ABCC4: variants seen among roughly 807,000 people sequenced by gnomAD.
ABCC4 encodes ATP binding cassette subfamily C member 4 (PEL blood group).
In ABCC4, 102 loss-of-function variants were observed where a neutral mutation model predicts 168.5. The ratio of observed to expected loss-of-function variants is 0.61; its 90% CI spans 0.52 to 0.71. ABCC4 has a LOEUF of 0.71. ABCC4 is among the 30% of genes least tolerant of loss of function. ABCC4 has a pLI of 0.00. For missense variants in ABCC4, 1,402 were observed against 1,605.8 expected, an observed-to-expected ratio of 0.87 and a Z score of 2.17; for synonymous variants, 617 against 590.7, an observed-to-expected ratio of 1.04 and a Z score of -0.65.
intron 29 of ABCC4, chr13:95,043,475 A>G: frequency 2.2e-6 from 1 of 460,874 alleles, no homozygotes; most frequent in Non-Finnish European, 3.8e-6. Flanking sequence ...TGATTTTTGC[A>G]TATGATTATA....
At chr13:95,095,212 C>T (rs149827437) in intron 20 of ABCC4, among the ~76,000 whole-genome samples, 13 of 152,248 alleles carry the variant, frequency 8.5e-5, no homozygotes, top group Non-Finnish European at 1.6e-4. Flanking sequence ...TATAGCAGCA[C>T]GATTCACAAT....
rs140436228 is a variant in ABCC4, at chr13:95,225,140, GTC to G, written c.531+9468_531+9469del. Among the ~76,000 whole-genome samples, 407 of 69,976 alleles carry G rather than the reference GTC, an allele frequency of 5.8e-3. 2 individuals carry two copies. The Middle Eastern group carries it at 0.064, about 11-fold the overall frequency. 45.9% of individuals were successfully genotyped at this position (69,976 alleles called of 152,430 possible). The stretch of plus-strand genomic sequence containing the variant: ...TCCCCCACTGTCTGTCTGTCTGTCT[GTC>G]TCTCTCTCTCTCACACACACACACA... On this transcript the variant is annotated intron_variant, in intron 4 of 30. Transcript: ENST00000645237.
At chr13:95,038,395 A>AG (rs56270922) in intron 29 of ABCC4, among the ~76,000 whole-genome samples, 134 of 150,636 alleles carry the variant, frequency 8.9e-4, no homozygotes, top group Admixed American at 1.6e-3. Context: ...AAAAAAAAAA[A>AG]GACAGAAGAA....
chr13:95,100,525 T>C (rs1330147491), intron 20 of ABCC4, among the ~76,000 whole-genome samples: 1 of 152,176 alleles, frequency 6.6e-6, no homozygotes, highest in Admixed American at 6.5e-5. Flanking sequence ...GTGAATCCTA[T>C]CATCCTGATC....
chr13:95,109,950 A>G (rs908553186), intron 20 of ABCC4, among the ~76,000 whole-genome samples: 1 of 152,142 alleles, frequency 6.6e-6, no homozygotes, highest in Non-Finnish European at 1.5e-5. Context: ...CATACTCAGC[A>G]TATAGTAGGA....
chr13:95,293,100 C>T (rs777096506), intron 1 of ABCC4, among the ~76,000 whole-genome samples: 15 of 152,188 alleles, frequency 9.9e-5, no homozygotes, highest in African/African-American at 2.2e-4. Flanking sequence ...CTGCCAGGAA[C>T]GATTTCCCAC....
intron 1 of ABCC4, among the ~76,000 whole-genome samples, chr13:95,283,268 A>G (rs1479569529): frequency 6.6e-6 from 1 of 151,860 alleles, no homozygotes; most frequent in Non-Finnish European, 1.5e-5. Context: ...GGTCTCAAAC[A>G]TCAGCATGCA....
intron 4 of ABCC4, among the ~76,000 whole-genome samples, chr13:95,214,718 T>C (rs1427000567): frequency 6.6e-6 from 1 of 151,804 alleles, no homozygotes; most frequent in Admixed American, 6.6e-5. Context: ...AGACCCCGCC[T>C]CTACTAAAAA....
At chr13:95,201,358 C>A (rs1423635144) in intron 8 of ABCC4, among the ~76,000 whole-genome samples, 1 of 152,144 alleles carries the variant, frequency 6.6e-6, no homozygotes, top group African/African-American at 2.4e-5. Context: ...CTGCAGGATC[C>A]CTTTCATGCC....
rs376069211 is a variant in ABCC4, at chr13:95,258,386, A to C, written c.75-10633T>G. Among the ~76,000 whole-genome samples, 4 of 152,052 alleles carry C rather than the reference A, an allele frequency of 2.6e-5. No homozygotes were observed. The South Asian group carries it at 8.3e-4, about 32-fold the overall frequency. On this transcript the variant is annotated intron_variant, in intron 1 of 30. Coordinates refer to ENST00000645237, the MANE Select transcript of ABCC4 (RefSeq NM_005845.5). ...CGTTTGTCCCCTTGCGTGCGAGCAA[A>C]TGCTTTTCCCCATCTTCTCCCATGA...
At chr13:95,289,907 G>A (rs561721888) in intron 1 of ABCC4, among the ~76,000 whole-genome samples, 1 of 152,112 alleles carries the variant, frequency 6.6e-6, no homozygotes, top group East Asian at 1.9e-4. Context: ...GACCAGCCTG[G>A]CCAACATGGA....
intron 30 of ABCC4, among the ~76,000 whole-genome samples, chr13:95,029,184 A>ATATATC (rs2031695343): frequency 4.0e-5 from 3 of 74,764 alleles, no homozygotes; most frequent in African/African-American, 1.9e-4. Flanking sequence ...ATATATATAT[A>ATATATC]TATATATATA....
chr13:95,083,142 G>A lies in ABCC4; in HGVS notation c.2684C>T (p.Thr895Ile), dbSNP rs751855343. ...TSRDVKRLES[T>I]TRSPVFSHLS... ...CCAACCCGAGTTTCCATACTCACTTGTAGATTCCAGGCGCTTCACATCTCT... is the reference window on the plus strand; with the variant it reads ...CCAACCCGAGTTTCCATACTCACTTATAGATTCCAGGCGCTTCACATCTCT... Residue 895 changes from threonine (T) to isoleucine (I), a missense_variant and splice_region_variant, in exon 21 of 31, where the codon ACA (threonine) becomes ATA (isoleucine). Thr to Ile is a moderately conservative substitution (Grantham distance 89, BLOSUM62 -1). Around this residue, in one of 3 missense-constraint regions of ABCC4, gnomAD observed 1,007 missense variants for 1,127.3 expected, o/e 0.89. Transcript: ENST00000645237. The A allele has an allele frequency of 2.0e-5, 33 of 1,613,580 alleles. No homozygotes were observed. In the Admixed American group the frequency reaches 5.3e-4, roughly 26 times the overall value.
intron 29 of ABCC4, among the ~76,000 whole-genome samples, chr13:95,038,449 G>A (rs573780728): frequency 9.3e-5 from 14 of 151,328 alleles, no homozygotes; most frequent in African/African-American, 2.9e-4. Flanking sequence ...CAAAACAAGC[G>A]GGAGTTTAGC....
chr13:95,170,130 T>G (rs2037418647), intron 14 of ABCC4: 1 of 155,838 alleles, frequency 6.4e-6, no homozygotes, highest in Admixed American at 6.3e-5. Context: ...AGTGCTGGGA[T>G]TACAGGCCTG....
chr13:95,069,399 T>TA (rs934050624), intron 25 of ABCC4, among the ~76,000 whole-genome samples: 5 of 151,508 alleles, frequency 3.3e-5, no homozygotes, highest in Admixed American at 1.3e-4. Flanking sequence ...CTATCTTCTT[T>TA]AAAAAAAAAT....
intron 4 of ABCC4, among the ~76,000 whole-genome samples, chr13:95,219,794 G>C (rs2039260293): frequency 1.3e-5 from 2 of 152,094 alleles, no homozygotes; most frequent in African/African-American, 4.8e-5. Context: ...TCTAGGATTA[G>C]AGGTGTGTTT....
chr13:95,126,018 T>C (rs1221348954), intron 19 of ABCC4, among the ~76,000 whole-genome samples: 1 of 152,158 alleles, frequency 6.6e-6, no homozygotes, highest in Non-Finnish European at 1.5e-5. Flanking sequence ...GAAATGCACA[T>C]GTGTACAGTT....
intron 9 of ABCC4, among the ~76,000 whole-genome samples, chr13:95,193,372 G>C (rs965469767): frequency 6.6e-6 from 1 of 152,184 alleles, no homozygotes; most frequent in Non-Finnish European, 1.5e-5. Flanking sequence ...CCTCAGAAGA[G>C]ACCCTCGCCC....
Sources: allele counts gnomAD v4.1 joint callset (sites outside exome capture counted in the v4.1 genomes callset), GRCh38; gene constraint gnomAD v4.1.1; regional missense constraint gnomAD v4.1.1; transcripts MANE v1.5; gene names NCBI Gene and HGNC (gene_info 2026-07-23, HGNC 2026-07-21).